CAMTA1: variants seen among roughly 807,000 people sequenced by gnomAD.
The protein encoded by CAMTA1 is calmodulin binding transcription activator 1.
In CAMTA1, 27 loss-of-function variants were observed where a neutral mutation model predicts 170.9. The observed-to-expected ratio is 0.16, with a 90% CI of 0.12 to 0.22. CAMTA1 has a LOEUF of 0.22. CAMTA1 is among the 10% of genes least tolerant of loss of function. CAMTA1 has a pLI of 1.00. For missense variants in CAMTA1, 1,619 were observed against 2,217.2 expected (o/e 0.73, Z 5.42); for synonymous variants, 833 against 891.5 (o/e 0.93, Z 1.17).
intron 19 of CAMTA1, 104 bp from the exon 20 acceptor site, chr1:7,751,095 G>A (rs1303736224): frequency 1.1e-6 from 1 of 922,334 alleles, no homozygotes; most frequent in East Asian, 2.4e-5. Context: ...TGATAATAGA[G>A]GGGAAAAGCA....
chr1:7,534,488 T>C lies in CAMTA1; in HGVS notation c.510+66587T>C, dbSNP rs1254051476. Among the ~76,000 whole-genome samples, 1 of 152,228 alleles carries C rather than the reference T, an allele frequency of 6.6e-6. No individual in the cohort carries two copies. The highest frequency in any genetic ancestry group is 2.4e-5 in the African/African-American group (1 of 41,458). On this transcript the variant is annotated intron_variant, in intron 6 of 22. Transcript: ENST00000303635. The surrounding 1 kb of genome is among the most constrained non-coding windows in gnomAD (Gnocchi z 5.6). ...GTTTCACAAAAAATCTGCTTCCCTG[T>C]AAACAAGTGGCAGTCCTCACCCTCC...
At chr1:7,233,800 C>T (rs1035445507) in intron 4 of CAMTA1, among the ~76,000 whole-genome samples, 1 of 152,098 alleles carries the variant, frequency 6.6e-6, no homozygotes, top group African/African-American at 2.4e-5. Flanking sequence ...GTCTGGAAGG[C>T]GCCTCTCCCC....
intron 5 of CAMTA1, among the ~76,000 whole-genome samples, chr1:7,289,508 C>T (rs890208697): frequency 5.3e-5 from 8 of 152,256 alleles, no homozygotes; most frequent in South Asian, 2.1e-4. Flanking sequence ...TGAGATGCCC[C>T]GGTTTGCACT....
intron 22 of CAMTA1, among the ~76,000 whole-genome samples, chr1:7,764,304 T>A (rs1389821903): frequency 6.6e-6 from 1 of 152,162 alleles, no homozygotes; most frequent in African/African-American, 2.4e-5. Context: ...ATTCAACAGT[T>A]TTAGAGATAC....
intron 3 of CAMTA1, among the ~76,000 whole-genome samples, chr1:7,047,440 A>G (rs564609536): frequency 9.9e-5 from 15 of 152,162 alleles, no homozygotes; most frequent in Non-Finnish European, 2.1e-4. Flanking sequence ...CAGGACCTGA[A>G]GGATAAGGTC....
At chr1:7,556,475 C>T (rs1277065291) in intron 6 of CAMTA1, among the ~76,000 whole-genome samples, 4 of 152,202 alleles carry the variant, frequency 2.6e-5, no homozygotes, top group African/African-American at 9.6e-5. Context: ...ATGCTCTCAC[C>T]CTTGCAAACT....
chr1:7,555,843 A>C (rs1337082944), intron 6 of CAMTA1, among the ~76,000 whole-genome samples: 3 of 152,114 alleles, frequency 2.0e-5, no homozygotes, highest in Non-Finnish European at 4.4e-5. Context: ...CCCCAAACCC[A>C]ACCACGTCCT....
chr1:6,946,670 T>C (rs2149455107), intron 3 of CAMTA1, among the ~76,000 whole-genome samples: 1 of 152,344 alleles, frequency 6.6e-6, no homozygotes, highest in African/African-American at 2.4e-5. Flanking sequence ...TATTTGTCTT[T>C]TTATCATTGT....
At chr1:7,332,014 A>C (rs777688910) in intron 5 of CAMTA1, among the ~76,000 whole-genome samples, 30 of 152,234 alleles carry the variant, frequency 2.0e-4, no homozygotes, top group Middle Eastern at 6.8e-3. Flanking sequence ...AAATGTCCAC[A>C]CTGAAACCCT....
chr1:7,631,202 C>T (rs934167455), intron 6 of CAMTA1, among the ~76,000 whole-genome samples: 1 of 152,198 alleles, frequency 6.6e-6, no homozygotes, highest in Non-Finnish European at 1.5e-5. Flanking sequence ...ATCCTTGGTC[C>T]TCCCAGCTCC....
chr1:7,342,739 T>C (rs886377505), intron 5 of CAMTA1, among the ~76,000 whole-genome samples: 1 of 152,186 alleles, frequency 6.6e-6, no homozygotes, highest in Admixed American at 6.5e-5. Context: ...CAGGAGGTCA[T>C]TGGAGAGCTG....
At chr1:6,903,285 G>A (rs552642303) in intron 3 of CAMTA1, among the ~76,000 whole-genome samples, 5 of 152,316 alleles carry the variant, frequency 3.3e-5, no homozygotes, top group South Asian at 4.1e-4. Flanking sequence ...AAGGTTTTGG[G>A]TGGTGGAAGT....
intron 22 of CAMTA1, among the ~76,000 whole-genome samples, chr1:7,757,572 G>C (rs1043537937): frequency 2.0e-5 from 3 of 152,132 alleles, no homozygotes; most frequent in Non-Finnish European, 4.4e-5. Flanking sequence ...TTCGAGACCA[G>C]CCTGGCCAAC....
rs138345599 is a variant in CAMTA1, at chr1:7,293,153, C to G, written c.438+43527C>G. Among the ~76,000 whole-genome samples the G allele has an allele frequency of 4.4e-3, 676 of 152,140 alleles. 8 individuals are homozygous for G. The highest frequency in any genetic ancestry group is 0.024 in the Admixed American group (369 of 15,288). On this transcript the variant is annotated intron_variant, in intron 5 of 22. Transcript: ENST00000303635. This position sits in a 1 kb window ranked among gnomAD's most constrained non-coding sequence, Gnocchi z 4.1. ...TCTACTGCTTTCCAGTGGACAGGGACGGGGTGGGGCTGCCTTCCTGGGAAG... is the reference window on the plus strand; with the variant it reads ...TCTACTGCTTTCCAGTGGACAGGGAGGGGGTGGGGCTGCCTTCCTGGGAAG...
intron 3 of CAMTA1, among the ~76,000 whole-genome samples, chr1:6,983,489 C>T (rs145792524): frequency 1.3e-5 from 2 of 152,336 alleles, no homozygotes; most frequent in East Asian, 3.9e-4. Context: ...AATCTGTTGT[C>T]ATACTATATG....
At chr1:6,837,436 T>C (rs1311087001) in intron 3 of CAMTA1, among the ~76,000 whole-genome samples, 1 of 152,136 alleles carries the variant, frequency 6.6e-6, no homozygotes, top group Non-Finnish European at 1.5e-5. Context: ...GGGACACTTT[T>C]TCAGAGAGAC....
intron 3 of CAMTA1, among the ~76,000 whole-genome samples, chr1:6,863,047 A>G (rs528943660): frequency 2.2e-4 from 33 of 152,322 alleles, no homozygotes; most frequent in African/African-American, 7.9e-4. Context: ...TAAAAGGTGT[A>G]TATGTTCAAA....
intron 11 of CAMTA1, among the ~76,000 whole-genome samples, chr1:7,722,138 G>A (rs567469721): frequency 1.6e-3 from 245 of 152,250 alleles, no homozygotes; most frequent in Non-Finnish European, 2.7e-3. Flanking sequence ...CACAGCAGAC[G>A]CCCAGACACT....
intron 3 of CAMTA1, among the ~76,000 whole-genome samples, chr1:6,873,005 T>A (rs1390313407): frequency 1.3e-5 from 2 of 152,230 alleles, no homozygotes; most frequent in East Asian, 3.8e-4. Context: ...TGGTTAGCTG[T>A]TCACTGGCGA....
Sources: allele counts gnomAD v4.1 joint callset (sites outside exome capture counted in the v4.1 genomes callset), GRCh38; gene constraint gnomAD v4.1.1; non-coding constraint Gnocchi (gnomAD v3.1); transcripts MANE v1.5; gene names NCBI Gene and HGNC (gene_info 2026-07-23, HGNC 2026-07-21).